Variants in ENPP7 observed in about 807,000 individuals in gnomAD.
ENPP7 encodes ectonucleotide pyrophosphatase/phosphodiesterase 7.
ENPP7 carries 39 observed loss-of-function variants against 33.6 expected under a neutral mutation model. The ratio of observed to expected loss-of-function variants is 1.16; its 90% CI spans 0.90 to 1.52. The LOEUF is 1.52. Among genes scored for constraint, ENPP7 ranks in the 40% most tolerant of loss-of-function variants. The probability of loss-of-function intolerance (pLI) is 0.00; values close to 1 mark genes in which losing one functional copy is unlikely to be tolerated. For missense variants in ENPP7, 594 were observed against 641.0 expected, an observed-to-expected ratio of 0.93 and a Z score of 0.79; for synonymous variants, 244 against 274.3, an observed-to-expected ratio of 0.89 and a Z score of 1.09.
chr17:79,741,743 G>A, intron 5 of ENPP7, 51 bp from the exon 6 acceptor site: 2 of 976,324 alleles, frequency 2.0e-6, no homozygotes, highest in Non-Finnish European at 2.4e-6. Flanking sequence ...CCTGCCCTCA[G>A]CCTGCCCCAT....
In ENPP7 at chr17:79,731,201, G is replaced by A; in HGVS notation, c.62G>A (p.Gly21Glu). ...GCCACGCTCCTGGCTCCCGGGGCCG[G>A]AGCACCGGTACAAAGTCAGGGCTCC... is the stretch of plus-strand genomic sequence containing the variant. ...ALATLLAPGA[G>E]APVQSQGSQN... The change falls in exon 1 of 6, where the codon GGA becomes GAA. Residue 21 changes from glycine to glutamate, a missense_variant. Physicochemically the swap from Gly to Glu is moderately conservative, Grantham distance 98. Coordinates refer to ENST00000328313, the MANE Select transcript of ENPP7 (RefSeq NM_178543.5). 3 of 1,611,984 alleles carry A rather than the reference G, an allele frequency of 1.9e-6. No individual in the cohort carries two copies. The highest frequency in any genetic ancestry group is 2.5e-6 in the Non-Finnish European group (3 of 1,179,882).
chr17:79,736,572 T>TGC (rs2094296304), intron 3 of ENPP7, among the ~76,000 whole-genome samples: 1 of 142,006 alleles, frequency 7.0e-6, no homozygotes, highest in Non-Finnish European at 1.5e-5. Context: ...TGTGTGTGTG[T>TGC]GTGCGTCCTA....
At position 79,736,531 on chromosome 17, in the gene ENPP7, A is replaced by T. The variant is rs1240771348; in HGVS notation, c.1027-510A>T. Among the ~76,000 whole-genome samples, 5 of 136,380 alleles carry T rather than the reference A, an allele frequency of 3.7e-5. No homozygotes were observed. In the East Asian group the frequency reaches 1.0e-3, roughly 28 times the overall value. The allele number at this position is 136,380 out of a possible 152,430, so 89.5% of individuals were successfully genotyped here. On this transcript the variant is annotated intron_variant, in intron 3 of 5. Transcript: ENST00000328313. ...ATCCATCATGACCAGGCACTGTGTG[A>T]TAGGCGTGTGTGTGTGTGTGTGTGT...
chr17:79,732,647 G>A (rs1555822775), intron 1 of ENPP7, among the ~76,000 whole-genome samples: 1 of 152,114 alleles, frequency 6.6e-6, no homozygotes, highest in African/African-American at 2.4e-5. Context: ...GTCTCCCCAG[G>A]GCCTTTCCCC....
Position 79,738,361 on chromosome 17 carries a change from C to A in ENPP7, c.*16+299C>A. 3.0e-6 allele frequency: 1 copy of A among 328,658 alleles called. No homozygotes were observed. The highest frequency in any genetic ancestry group is 5.8e-6 in the Non-Finnish European group (1 of 173,276). 20.4% of individuals were successfully genotyped at this position (328,658 alleles called of 1,614,324 possible). On this transcript the variant is annotated intron_variant, in intron 5 of 5. Transcript: ENST00000328313. This position sits in a 1 kb window ranked among gnomAD's most constrained non-coding sequence, Gnocchi z 6.2. ...GAACTCCCTCAGCCTCTGGCCAGAG[C>A]TGCTGCCTCCCCTCCTTCCTGCCAT...
chr17:79,731,631 G>T (rs1368481305), intron 1 of ENPP7, among the ~76,000 whole-genome samples: 3 of 152,238 alleles, frequency 2.0e-5, no homozygotes, highest in African/African-American at 7.2e-5. Context: ...GGCTTCAGGA[G>T]GAGGGGAGTG....
chr17:79,733,519 G>A lies in ENPP7; in HGVS notation c.265G>A (p.Glu89Lys), dbSNP rs574138520. 2.0e-5 allele frequency: 33 copies of A among 1,612,518 alleles called. No homozygotes were observed. The highest frequency in any genetic ancestry group is 2.5e-5 in the Non-Finnish European group (30 of 1,179,730). ...HFTLVTGKYI[E>K]NHGVVHNMYY... is the part of the protein sequence containing the mutation. Reference sequence around the variant, plus strand: ...TCTTCCTCCCTCAGGCAAATATATCGAGAACCACGGGGTGGTTCACAACAT... The same window carrying A: ...TCTTCCTCCCTCAGGCAAATATATCAAGAACCACGGGGTGGTTCACAACAT... The change falls in exon 2 of 6, where the codon GAG becomes AAG. Residue 89 changes from glutamate (E) to lysine (K), a missense_variant. Glu to Lys is a moderately conservative substitution (Grantham distance 56). This residue lies in a region of ENPP7 where 5 missense variants were observed against 16.9 expected (regional missense o/e 0.30). Coordinates refer to ENST00000328313, the MANE Select transcript of ENPP7 (RefSeq NM_178543.5).
Position 79,735,590 on chromosome 17 carries a change from C to T in ENPP7, c.947C>T (p.Pro316Leu). Residue 316 changes from proline to leucine, a missense_variant, in exon 3 of 6, where the codon CCC becomes CTC. Physicochemically the swap from Pro to Leu is moderately conservative, Grantham distance 98. This residue lies in a region of ENPP7 where 504 missense variants were observed against 512.8 expected (regional missense o/e 0.98). Coordinates refer to ENST00000328313, the MANE Select transcript of ENPP7 (RefSeq NM_178543.5). This position sits in a 1 kb window ranked among gnomAD's most constrained non-coding sequence, Gnocchi z 5.5. ...KLHVYKKEAFPEAFHYANNPR... is the reference protein window; with the variant it reads ...KLHVYKKEAFLEAFHYANNPR... ...CACGTCTACAAGAAGGAGGCGTTCC[C>T]CGAGGCCTTCCACTACGCCAACAAC... 1 of 1,613,844 alleles carries T rather than the reference C, an allele frequency of 6.2e-7. No individual in the cohort carries two copies.
Position 79,737,226 on chromosome 17 carries a change from G to C in ENPP7, c.1212G>C (p.Gly404=). 1 of 1,610,250 alleles carries C rather than the reference G, an allele frequency of 6.2e-7. No homozygotes were observed. The highest frequency in any genetic ancestry group is 8.5e-7 in the Non-Finnish European group (1 of 1,179,782). Residue 404 remains glycine (G), a synonymous_variant, in exon 4 of 6, where the codon GGG becomes GGC. Transcript: ENST00000328313. This position sits in a 1 kb window ranked among gnomAD's most constrained non-coding sequence, Gnocchi z 5.5. ...LLGIVPEAND[G]HLATLLPMLH... is the part of the protein sequence containing the mutation. ...GCATCGTGCCCGAGGCCAACGATGG[G>C]CACCTAGCTACTCTGCTGCCCATGC...
rs782357893 is a variant in ENPP7, at chr17:79,731,304, C to A, written c.165C>A (p.Asp55Glu). ...AGGACGTGGACACCCCCAACCTGGA[C>A]GCCATGGCCCGAGACGGGGTGAAGG... is the stretch of plus-strand genomic sequence containing the variant. The part of the protein sequence containing the change: ...YDQDVDTPNL[D>E]AMARDGVKAR... Residue 55 changes from aspartate (D) to glutamate (E), a missense_variant, in exon 1 of 6, where the codon GAC becomes GAA. By Grantham distance (45) the Asp-to-Glu change is conservative. Transcript: ENST00000328313. 1 of 1,613,800 alleles carries A rather than the reference C, an allele frequency of 6.2e-7. No individual in the cohort carries two copies. Among genetic ancestry groups the A allele is most frequent in the South Asian group, 1.1e-5 (1 of 91,074 alleles).
rs1289309077 is a variant in ENPP7, at chr17:79,735,722, G to T, written c.1026+53G>T. The T allele has an allele frequency of 2.5e-5, 38 of 1,515,178 alleles. No homozygotes were observed. The highest frequency in any genetic ancestry group is 3.3e-5 in the Non-Finnish European group (38 of 1,135,612). 93.9% of individuals were successfully genotyped at this position (1,515,178 alleles called of 1,614,324 possible). A position where few individuals can be genotyped will look rare whatever the true frequency, so the allele number is the denominator to read the frequency against. The stretch of plus-strand genomic sequence containing the variant: ...CCAGGGGCTCCCTCCCCAGGCTCTG[G>T]GTCTTCTTTTTTTTTTTTTGAGACC... On this transcript the variant is annotated intron_variant, in intron 3 of 5. Coordinates refer to ENST00000328313, the MANE Select transcript of ENPP7 (RefSeq NM_178543.5). The surrounding 1 kb of genome is among the most constrained non-coding windows in gnomAD (Gnocchi z 5.5).
At position 79,735,178 on chromosome 17, in the gene ENPP7, G is replaced by C. The variant is rs1555823251; in HGVS notation, c.535G>C (p.Val179Leu). ...ETEWRANIDT[V>L]MAWFTEEDLD... ...GGAGTGGAGAGCGAACATCGACACA[G>C]TGATGGCGTGGTTCACAGAGGAGGA... Residue 179 changes from valine to leucine, a missense_variant, in exon 3 of 6, where the codon GTG (valine) becomes CTG (leucine). Physicochemically the swap from Val to Leu is conservative, Grantham distance 32. Around this residue, in one of 3 missense-constraint regions of ENPP7, gnomAD observed 504 missense variants for 512.8 expected, o/e 0.98. Transcript: ENST00000328313. The surrounding 1 kb of genome is among the most constrained non-coding windows in gnomAD (Gnocchi z 5.5). The C allele has an allele frequency of 1.9e-6, 3 of 1,613,336 alleles. No individual in the cohort carries two copies. The African/African-American group carries it at 4.0e-5, about 21-fold the overall frequency.
intron 1 of ENPP7, among the ~76,000 whole-genome samples, chr17:79,732,119 T>C (rs1306686166): frequency 1.8e-4 from 9 of 49,774 alleles, no homozygotes; most frequent in Admixed American, 8.3e-4. Flanking sequence ...CATATATATA[T>C]ACATATATAT....
At chr17:79,732,097 A>AAT (rs1248981009) in intron 1 of ENPP7, among the ~76,000 whole-genome samples, 4 of 59,670 alleles carry the variant, frequency 6.7e-5, no homozygotes, top group Non-Finnish European at 1.1e-4. Flanking sequence ...GACTGCATAT[A>AAT]ATATATATAT....
At chr17:79,734,935 G>A in intron 2 of ENPP7, 108 bp from the exon 3 acceptor site, 1 of 1,153,636 alleles carries the variant, frequency 8.7e-7, no homozygotes, top group Non-Finnish European at 1.2e-6. Flanking sequence ...GCAGGGATGG[G>A]TGGGTGGAAC....
Position 79,738,313 on chromosome 17 carries a change from T to G in ENPP7, c.*16+251T>G. ...AGACCACCCGGACCAGTGGCCAGAA[T>G]TCCCACCCTCCCCCAAAAGCCAGAA... On this transcript the variant is annotated intron_variant, in intron 5 of 5. Coordinates refer to ENST00000328313, the MANE Select transcript of ENPP7 (RefSeq NM_178543.5). This position sits in a 1 kb window ranked among gnomAD's most constrained non-coding sequence, Gnocchi z 6.2. 7.3e-6 allele frequency: 3 copies of G among 409,360 alleles called. No individual in the cohort carries two copies. The highest frequency in any genetic ancestry group is 9.0e-6 in the Non-Finnish European group (2 of 221,710). The allele number at this position is 409,360 out of a possible 1,614,324, so 25.4% of individuals were successfully genotyped here. A position where few individuals can be genotyped will look rare whatever the true frequency, so the allele number is the denominator to read the frequency against.
In ENPP7 at chr17:79,735,588, C is replaced by T. The variant is rs782708563; in HGVS notation, c.945C>T (p.Phe315=). The T allele has an allele frequency of 6.2e-7, 1 of 1,613,870 alleles. No homozygotes were observed. Among genetic ancestry groups the T allele is most frequent in the East Asian group, 2.2e-5 (1 of 44,882 alleles). Residue 315 remains phenylalanine, a synonymous_variant, in exon 3 of 6, where the codon TTC becomes TTT. Coordinates refer to ENST00000328313, the MANE Select transcript of ENPP7 (RefSeq NM_178543.5). The surrounding 1 kb of genome is among the most constrained non-coding windows in gnomAD (Gnocchi z 5.5). The stretch of plus-strand genomic sequence containing the variant: ...TCCACGTCTACAAGAAGGAGGCGTT[C>T]CCCGAGGCCTTCCACTACGCCAACA... ...PKLHVYKKEA[F]PEAFHYANNP...
At position 79,733,628 on chromosome 17, in the gene ENPP7, C is replaced by T; in HGVS notation, c.374C>T (p.Pro125Leu). 6.2e-7 allele frequency: 1 copy of T among 1,612,648 alleles called. No homozygotes were observed. The highest frequency in any genetic ancestry group is 8.5e-7 in the Non-Finnish European group (1 of 1,179,904). ...IQRWWDNGSV[P>L]IWITAQRQGL... ...AGGTGGTGGGACAACGGCAGCGTGC[C>T]CATCTGGATCACAGCCCAGAGGCAG... Residue 125 changes from proline (P) to leucine (L), a missense_variant, in exon 2 of 6, where the codon CCC (proline) becomes CTC (leucine). Transcript: ENST00000328313.
chr17:79,735,108 G>A lies in ENPP7; in HGVS notation c.465G>A (p.Thr155=), dbSNP rs148467745. The change falls in exon 3 of 6, where the codon ACG becomes ACA. Residue 155 remains threonine (T), a synonymous_variant. Transcript: ENST00000328313. The surrounding 1 kb of genome is among the most constrained non-coding windows in gnomAD (Gnocchi z 5.5). ...GNVTYQGVAV[T]RSRKEGIAHN... Reference sequence around the variant, plus strand: ...TCACCTACCAAGGGGTGGCTGTGACGCGGAGCCGGAAAGAAGGCATCGCAC... The same window carrying A: ...TCACCTACCAAGGGGTGGCTGTGACACGGAGCCGGAAAGAAGGCATCGCAC... 237 of 1,612,926 alleles carry A rather than the reference G, an allele frequency of 1.5e-4. No individual in the cohort carries two copies. The highest frequency in any genetic ancestry group is 1.8e-4 in the Non-Finnish European group (214 of 1,180,036).
Sources: allele counts gnomAD v4.1 joint callset (sites outside exome capture counted in the v4.1 genomes callset), GRCh38; gene constraint gnomAD v4.1.1; regional missense constraint gnomAD v4.1.1; non-coding constraint Gnocchi (gnomAD v3.1); transcripts MANE v1.5; gene names NCBI Gene and HGNC (gene_info 2026-07-23, HGNC 2026-07-21).